PSMD14: variants seen among roughly 807,000 people sequenced by gnomAD.
PSMD14 encodes the protein proteasome 26S subunit, non-ATPase 14, also known as ubiquitin C-terminal hydrolase PSMD14.
A neutral mutation model predicts 41.2 loss-of-function variants in PSMD14; 7 were observed. The observed-to-expected ratio is 0.17, with a 90% CI of 0.10 to 0.32. PSMD14 has a LOEUF of 0.32. Ranked by LOEUF, PSMD14 falls within the 10% of genes least tolerant of loss-of-function variation. The pLI is 1.00. For missense variants in PSMD14, 139 were observed against 375.6 expected, an observed-to-expected ratio of 0.37 and a Z score of 5.21; for synonymous variants, 114 against 122.3, an observed-to-expected ratio of 0.93 and a Z score of 0.45.
chr2:161,360,906 G>A (rs969401545), intron 3 of PSMD14, among the ~76,000 whole-genome samples: 2 of 152,120 alleles, frequency 1.3e-5, no homozygotes, highest in African/African-American at 4.8e-5. Context: ...TTTCCATTAT[G>A]GTTTTAGTAT....
intron 8 of PSMD14, among the ~76,000 whole-genome samples, chr2:161,388,899 C>T (rs1264331283): frequency 2.0e-5 from 3 of 152,044 alleles, no homozygotes; most frequent in Non-Finnish European, 4.4e-5. Flanking sequence ...CTACATGAAC[C>T]CAAAAAGGAC....
chr2:161,326,560 C>G (rs1417280387), intron 3 of PSMD14, among the ~76,000 whole-genome samples: 1 of 152,032 alleles, frequency 6.6e-6, no homozygotes, highest in African/African-American at 2.4e-5. Flanking sequence ...GGGTATGTGC[C>G]CAAAATAATT....
intron 3 of PSMD14, among the ~76,000 whole-genome samples, chr2:161,320,013 C>A (rs548272952): frequency 6.6e-6 from 1 of 152,304 alleles, no homozygotes; most frequent in Admixed American, 6.5e-5. Flanking sequence ...ATAACTCATT[C>A]TCTCAAGAGG....
At chr2:161,387,113 T>C (rs1437269432) in intron 8 of PSMD14, among the ~76,000 whole-genome samples, 1 of 151,978 alleles carries the variant, frequency 6.6e-6, no homozygotes, top group African/African-American at 2.4e-5. Flanking sequence ...GTAAATATAT[T>C]TATTTCACAG....
intron 7 of PSMD14, among the ~76,000 whole-genome samples, chr2:161,378,354 G>C (rs1028678050): frequency 5.3e-5 from 8 of 151,918 alleles, no homozygotes; most frequent in Non-Finnish European, 1.0e-4. Context: ...ACTCAGAACT[G>C]AGCAGTGATA....
At chr2:161,402,127 C>A (rs2105271223) in intron 10 of PSMD14, among the ~76,000 whole-genome samples, 1 of 152,342 alleles carries the variant, frequency 6.6e-6, no homozygotes, top group African/African-American at 2.4e-5. Context: ...AATTAATCTG[C>A]CTCTTCGCAT....
chr2:161,331,034 GA>G (rs1260610578), intron 3 of PSMD14, among the ~76,000 whole-genome samples: 1 of 152,080 alleles, frequency 6.6e-6, no homozygotes, highest in African/African-American at 2.4e-5. Flanking sequence ...CTGTTTTATA[GA>G]AAAGGAAAAC....
rs189503373 is a variant in PSMD14, at chr2:161,386,153, C to G, written c.570+582C>G. On this transcript the variant is annotated intron_variant, in intron 8 of 11. Transcript: ENST00000409682. Reference sequence around the variant, plus strand: ...CTGGTATTCAGACACTTAATATCCTCTTGAGTGATTGTTTTCTTTGTATCA... The same window carrying G: ...CTGGTATTCAGACACTTAATATCCTGTTGAGTGATTGTTTTCTTTGTATCA... Among the ~76,000 whole-genome samples, 284 of 151,908 alleles carry G rather than the reference C, an allele frequency of 1.9e-3. 4 individuals are homozygous for G. The highest frequency in any genetic ancestry group is 1.8e-4 in the Non-Finnish European group (12 of 67,818).
At chr2:161,333,639 T>G (rs1682825724) in intron 3 of PSMD14, among the ~76,000 whole-genome samples, 1 of 152,262 alleles carries the variant, frequency 6.6e-6, no homozygotes, top group Non-Finnish European at 1.5e-5. Flanking sequence ...GTTCCTATTC[T>G]TCTTCCAGAG....
chr2:161,334,909 A>T (rs1038178636), intron 3 of PSMD14, among the ~76,000 whole-genome samples: 1 of 152,240 alleles, frequency 6.6e-6, no homozygotes, highest in African/African-American at 2.4e-5. Context: ...CCTCAGAAAC[A>T]GGCACTGTGT....
At chr2:161,311,797 T>A (rs898572970) in intron 1 of PSMD14, among the ~76,000 whole-genome samples, 3 of 151,926 alleles carry the variant, frequency 2.0e-5, no homozygotes, top group Non-Finnish European at 4.4e-5. Flanking sequence ...ATATTTTTAG[T>A]AGAGACCAGG....
intron 3 of PSMD14, among the ~76,000 whole-genome samples, chr2:161,329,048 G>A (rs1451800230): frequency 6.6e-5 from 10 of 151,964 alleles, no homozygotes; most frequent in African/African-American, 2.2e-4. Flanking sequence ...ATTTGAAGGC[G>A]ATAATACTAG....
chr2:161,402,285 C>T (rs1040975899), intron 10 of PSMD14, among the ~76,000 whole-genome samples: 6 of 152,152 alleles, frequency 3.9e-5, no homozygotes, highest in Non-Finnish European at 8.8e-5. Flanking sequence ...AGAGAAAAGA[C>T]AACCTACAAA....
Position 161,385,548 on chromosome 2 carries a change from C to A in PSMD14, c.547C>A (p.His183Asn), listed in dbSNP as rs1683623588. Reference protein sequence around the residue: ...EPRQTTSNLGHLNKPSIQALI... With the variant: ...EPRQTTSNLGNLNKPSIQALI... Reference sequence around the variant, plus strand: ...AAGACAAACAACTTCGAATCTGGGTCACTTAAACAAGCCATCTATCCAGGT... The same window carrying A: ...AAGACAAACAACTTCGAATCTGGGTAACTTAAACAAGCCATCTATCCAGGT... Residue 183 changes from histidine to asparagine, a missense_variant, in exon 8 of 12, where the codon CAC (histidine) becomes AAC (asparagine). Physicochemically the swap from His to Asn is moderately conservative, Grantham distance 68 (BLOSUM62 1). Coordinates refer to ENST00000409682, the MANE Select transcript of PSMD14 (RefSeq NM_005805.6). 1 of 1,603,836 alleles carries A rather than the reference C, an allele frequency of 6.2e-7. No individual in the cohort carries two copies. The highest frequency in any genetic ancestry group is 8.5e-7 in the Non-Finnish European group (1 of 1,171,978).
At position 161,411,583 on chromosome 2, in the gene PSMD14, T is replaced by C; in HGVS notation, c.*183T>C. 1 of 381,600 alleles carries C rather than the reference T, an allele frequency of 2.6e-6. No homozygotes were observed. Among genetic ancestry groups the C allele is most frequent in the Non-Finnish European group, 4.7e-6 (1 of 214,406 alleles). 23.6% of individuals were successfully genotyped at this position (381,600 alleles called of 1,614,324 possible). Reference sequence around the variant, plus strand: ...ACTTCTGTTTCTTTAGTCAGGGTCTTTGCAGATTCTAAAGTTATACATGAA... The same window carrying C: ...ACTTCTGTTTCTTTAGTCAGGGTCTCTGCAGATTCTAAAGTTATACATGAA... On this transcript the variant is annotated 3_prime_UTR_variant, in exon 12 of 12. Coordinates refer to ENST00000409682, the MANE Select transcript of PSMD14 (RefSeq NM_005805.6).
chr2:161,404,871 G>A (rs1683928480), intron 10 of PSMD14, among the ~76,000 whole-genome samples: 1 of 152,088 alleles, frequency 6.6e-6, no homozygotes, highest in Non-Finnish European at 1.5e-5. Flanking sequence ...CCAAGATTCA[G>A]CCCTTGCCTT....
intron 3 of PSMD14, among the ~76,000 whole-genome samples, chr2:161,328,408 T>C (rs1466101112): frequency 6.6e-6 from 1 of 152,150 alleles, no homozygotes; most frequent in East Asian, 1.9e-4. Context: ...TGGAAGCATG[T>C]AAATTTAAAA....
At chr2:161,384,632 CT>C (rs1410297749) in intron 7 of PSMD14, 1 of 151,670 alleles carries the variant, frequency 6.6e-6, no homozygotes, top group Non-Finnish European at 1.5e-5. Flanking sequence ...GGCAATCTGT[CT>C]TAAAGTCACA....
At chr2:161,319,348 C>T (rs1380379667) in intron 3 of PSMD14, among the ~76,000 whole-genome samples, 26 of 151,284 alleles carry the variant, frequency 1.7e-4, no homozygotes, top group Non-Finnish European at 1.6e-4. Flanking sequence ...TAATCTCTCT[C>T]CTTTAAATTT....
Sources: gnomAD v4.1 joint callset for allele counts (sites outside exome capture counted in the v4.1 genomes callset) on GRCh38, gnomAD v4.1.1 for gene constraint, MANE v1.5 for transcripts, NCBI Gene and HGNC (gene_info 2026-07-23, HGNC 2026-07-21) for gene names.